Variants in IGLON5 observed in about 807,000 individuals in gnomAD.
IGLON5 encodes IgLON family member 5.
A neutral mutation model predicts 38.2 loss-of-function variants in IGLON5; 16 were observed. That is an observed-to-expected ratio of 0.42 (90% CI 0.28 to 0.64). IGLON5 has a LOEUF of 0.64. Among genes scored for constraint, IGLON5 ranks in the 30% least tolerant of loss-of-function variants. IGLON5 has a pLI of 0.23. For missense variants in IGLON5, 366 were observed against 483.4 expected, an observed-to-expected ratio of 0.76 and a Z score of 2.28; for synonymous variants, 207 against 216.4, an observed-to-expected ratio of 0.96 and a Z score of 0.38.
Position 51,327,272 on chromosome 19 carries a change from G to C in IGLON5, c.767+72G>C. The stretch of plus-strand genomic sequence containing the variant: ...TTAGTCCCTTCGATTGTGAGGCAGG[G>C]GGACGGAGCGGGGCGGGGGAAGGCA... On this transcript the variant is annotated intron_variant, in intron 6 of 7. Transcript: ENST00000270642. This position sits in a 1 kb window ranked among gnomAD's most constrained non-coding sequence, Gnocchi z 7.1. 6.5e-7 allele frequency: 1 copy of C among 1,548,970 alleles called. No homozygotes were observed. The highest frequency in any genetic ancestry group is 2.3e-5 in the East Asian group (1 of 43,994).
Position 51,311,708 on chromosome 19 carries a change from C to G in IGLON5, c.-140C>G, listed in dbSNP as rs1362490408. 1 of 106,400 alleles carries G rather than the reference C, an allele frequency of 9.4e-6. No homozygotes were observed. Among genetic ancestry groups the G allele is most frequent in the Non-Finnish European group, 1.9e-5 (1 of 51,332 alleles). The allele number at this position is 106,400 out of a possible 1,614,324, so 6.6% of individuals were successfully genotyped here. ...GCCGCCTCGTCGCGCCCCCCCAGCC[C>G]CCTCCCCCCGCCCCCGCCGCCCCCC... On this transcript the variant is annotated 5_prime_UTR_variant, in exon 1 of 8. Coordinates refer to ENST00000270642, the MANE Select transcript of IGLON5 (RefSeq NM_001101372.3).
In IGLON5 at chr19:51,325,520, C is replaced by T. The variant is rs994655065; in HGVS notation, c.511+55C>T. The T allele has an allele frequency of 5.5e-5, 84 of 1,518,992 alleles. No homozygotes were observed. The Middle Eastern group carries it at 6.9e-4, about 13-fold the overall frequency. 94.1% of individuals were successfully genotyped at this position (1,518,992 alleles called of 1,614,324 possible). On this transcript the variant is annotated intron_variant, in intron 4 of 7. Coordinates refer to ENST00000270642, the MANE Select transcript of IGLON5 (RefSeq NM_001101372.3). This position sits in a 1 kb window ranked among gnomAD's most constrained non-coding sequence, Gnocchi z 5.5. Reference sequence around the variant, plus strand: ...CGTCCCCCACTGCGCAGTCTGGGCCCCTCCATTCCCCATATCCCTAGCTAG... The same window carrying T: ...CGTCCCCCACTGCGCAGTCTGGGCCTCTCCATTCCCCATATCCCTAGCTAG...
At chr19:51,314,579 G>A (rs907400476) in intron 1 of IGLON5, among the ~76,000 whole-genome samples, 4 of 152,158 alleles carry the variant, frequency 2.6e-5, no homozygotes, top group African/African-American at 9.7e-5. Flanking sequence ...CCCTGCTCAA[G>A]TCTTTTCCCA....
In IGLON5 at chr19:51,327,078, A is replaced by G. The variant is rs1985235629; in HGVS notation, c.647-2A>G. The G allele has an allele frequency of 6.2e-7, 1 of 1,604,682 alleles. No individual in the cohort carries two copies. Among genetic ancestry groups the G allele is most frequent in the Non-Finnish European group, 8.5e-7 (1 of 1,174,426 alleles). Reference sequence around the variant, plus strand: ...AATTCGCTGACCCTTGCCCCTCGCCAGATCCTCCGACCATCACGGACGTGA... The same window carrying G: ...AATTCGCTGACCCTTGCCCCTCGCCGGATCCTCCGACCATCACGGACGTGA... On this transcript the variant is annotated splice_acceptor_variant, in intron 5 of 7. Coordinates refer to ENST00000270642, the MANE Select transcript of IGLON5 (RefSeq NM_001101372.3). LOFTEE classifies it high-confidence loss of function. This position sits in a 1 kb window ranked among gnomAD's most constrained non-coding sequence, Gnocchi z 7.1.
At chr19:51,316,182 CAAAAAA>C (rs34549182) in intron 1 of IGLON5, among the ~76,000 whole-genome samples, 1 of 124,328 alleles carries the variant, frequency 8.0e-6, no homozygotes, top group Admixed American at 7.8e-5. Context: ...CCCATATCTA[CAAAAAA>C]AAAAAAAAAA....
chr19:51,315,446 C>T (rs1984894343), intron 1 of IGLON5, among the ~76,000 whole-genome samples: 7 of 152,148 alleles, frequency 4.6e-5, no homozygotes, highest in Admixed American at 3.3e-4. Flanking sequence ...TGGATATATA[C>T]ATATGGCAGT....
At chr19:51,312,197 G>A (rs901208570) in intron 1 of IGLON5, among the ~76,000 whole-genome samples, 6 of 152,098 alleles carry the variant, frequency 3.9e-5, no homozygotes, top group African/African-American at 1.4e-4. Flanking sequence ...GAGCAGGCAA[G>A]AGGGTCGCAG....
At chr19:51,320,413 C>T (rs1305325650) in intron 1 of IGLON5, among the ~76,000 whole-genome samples, 1 of 152,248 alleles carries the variant, frequency 6.6e-6, no homozygotes, top group Non-Finnish European at 1.5e-5. Context: ...CCCTCCCACT[C>T]CAGAAGTCCA....
In IGLON5 at chr19:51,316,478, TTTTTC is replaced by T. The variant is rs1282106625; in HGVS notation, c.79+4572_79+4576del. Among the ~76,000 whole-genome samples, 46 of 150,662 alleles carry T rather than the reference TTTTTC, an allele frequency of 3.1e-4. No individual in the cohort carries two copies. In the South Asian group the frequency reaches 4.2e-3, roughly 14 times the overall value. ...CAGATTTTTTCTTTTTTTTTCTTTG[TTTTTC>T]TTTTCTTTTCTTTTCTTTTTTTTTT... On this transcript the variant is annotated intron_variant, in intron 1 of 7. Coordinates refer to ENST00000270642, the MANE Select transcript of IGLON5 (RefSeq NM_001101372.3).
In IGLON5 at chr19:51,329,015, C is replaced by A; in HGVS notation, c.*256C>A. On this transcript the variant is annotated 3_prime_UTR_variant, in exon 8 of 8. Transcript: ENST00000270642. This position sits in a 1 kb window ranked among gnomAD's most constrained non-coding sequence, Gnocchi z 4.3. The stretch of plus-strand genomic sequence containing the variant: ...TCACGTTTCCGATTGTGACCCACTC[C>A]CGCCACCCCATACCCCTCTCTCTTA... The A allele has an allele frequency of 2.4e-6, 1 of 411,956 alleles. No homozygotes were observed. Among genetic ancestry groups the A allele is most frequent in the Non-Finnish European group, 4.4e-6 (1 of 227,870 alleles). The allele number at this position is 411,956 out of a possible 1,614,324, so 25.5% of individuals were successfully genotyped here.
intron 1 of IGLON5, among the ~76,000 whole-genome samples, chr19:51,313,094 C>T (rs1984809651): frequency 6.6e-6 from 1 of 152,282 alleles, no homozygotes; most frequent in African/African-American, 2.4e-5. Flanking sequence ...ACAGAAACCC[C>T]GTCACAGCGT....
chr19:51,318,627 C>T (rs546150424), intron 1 of IGLON5, among the ~76,000 whole-genome samples: 2 of 151,780 alleles, frequency 1.3e-5, no homozygotes, highest in Admixed American at 6.6e-5. Context: ...CCCAGCTACT[C>T]GGGAGGCTGA....
Position 51,328,307 on chromosome 19 carries a change from G to A in IGLON5, c.923-364G>A, listed in dbSNP as rs567260348. Among the ~76,000 whole-genome samples the A allele has an allele frequency of 2.7e-3, 405 of 149,160 alleles. 1 individual carries two copies. The highest frequency in any genetic ancestry group is 3.5e-3 in the Non-Finnish European group (234 of 67,806). On this transcript the variant is annotated intron_variant, in intron 7 of 7. Transcript: ENST00000270642. ...ACCTGAAGTCAGGAATTTGACACCA[G>A]CCTGTCCAACATGGTGAAACTATGT...
At chr19:51,313,647 T>TTTTCTTCCTTTC (rs1984831767) in intron 1 of IGLON5, among the ~76,000 whole-genome samples, 1 of 116,160 alleles carries the variant, frequency 8.6e-6, no homozygotes, top group Non-Finnish European at 1.8e-5. Context: ...CTCTCTCTCT[T>TTTTCTTCCTTTC]TTTCTTTCTT....
rs1555750477 is a variant in IGLON5, at chr19:51,313,647, T to TTTTCTTTCTTTCTTTCTTTCTTTCTTTC, written c.79+1744_79+1771dup. On this transcript the variant is annotated intron_variant, in intron 1 of 7. Coordinates refer to ENST00000270642, the MANE Select transcript of IGLON5 (RefSeq NM_001101372.3). ...TTTCTCTTTTTCTCTCTCTCTCTCT[T>TTTTCTTTCTTTCTTTCTTTCTTTCTTTC]TTTCTTTCTTTCTTTCTTTCTTTCT... Among the ~76,000 whole-genome samples, 24 of 116,274 alleles carry TTTTCTTTCTTTCTTTCTTTCTTTCTTTC rather than the reference T, an allele frequency of 2.1e-4. 1 individual carries two copies. The highest frequency in any genetic ancestry group is 8.0e-4 in the Admixed American group (8 of 10,062). 76.3% of individuals were successfully genotyped at this position (116,274 alleles called of 152,430 possible). A position where few individuals can be genotyped will look rare whatever the true frequency, so the allele number is the denominator to read the frequency against.
rs1196498419 is a variant in IGLON5 at position 51,311,826 on chromosome 19, C to G, written c.-22C>G. Reference sequence around the variant, plus strand: ...GGACCGGCCCCCCCTTTCCCCTCCCCCTCCGCGCCGCCTCTGCCGCGATGC... The same window carrying G: ...GGACCGGCCCCCCCTTTCCCCTCCCGCTCCGCGCCGCCTCTGCCGCGATGC... On this transcript the variant is annotated 5_prime_UTR_variant, in exon 1 of 8. Transcript: ENST00000270642. 20 of 948,678 alleles carry G rather than the reference C, an allele frequency of 2.1e-5. No homozygotes were observed. Among genetic ancestry groups the G allele is most frequent in the Non-Finnish European group, 2.4e-5 (18 of 737,902 alleles). 58.8% of individuals were successfully genotyped at this position (948,678 alleles called of 1,614,324 possible).
Position 51,327,349 on chromosome 19 carries a change from C to T in IGLON5, c.767+149C>T. On this transcript the variant is annotated intron_variant, in intron 6 of 7. Transcript: ENST00000270642. The surrounding 1 kb of genome is among the most constrained non-coding windows in gnomAD (Gnocchi z 7.1). The stretch of plus-strand genomic sequence containing the variant: ...GCGTCCAGCTTCTAGGTGATGGGAT[C>T]TGTCCAGCCCCGGAGACAAGCTTGG... 1 of 1,134,386 alleles carries T rather than the reference C, an allele frequency of 8.8e-7. No individual in the cohort carries two copies. The highest frequency in any genetic ancestry group is 1.2e-6 in the Non-Finnish European group (1 of 815,790). 70.3% of individuals were successfully genotyped at this position (1,134,386 alleles called of 1,614,324 possible).
At chr19:51,319,620 T>G (rs1459897075) in intron 1 of IGLON5, among the ~76,000 whole-genome samples, 3 of 152,092 alleles carry the variant, frequency 2.0e-5, no homozygotes, top group Non-Finnish European at 4.4e-5. Flanking sequence ...GTGGGGCTGT[T>G]GATGTCGATG....
At position 51,325,064 on chromosome 19, in the gene IGLON5, A is replaced by G. The variant is rs1985178071; in HGVS notation, c.392-282A>G. ...AGAGAGAATAGAGACAAGACCAGCA[A>G]TTAGACAAGAAGATGCCAGGCCCAG... On this transcript the variant is annotated intron_variant, in intron 3 of 7. Coordinates refer to ENST00000270642, the MANE Select transcript of IGLON5 (RefSeq NM_001101372.3). This position sits in a 1 kb window ranked among gnomAD's most constrained non-coding sequence, Gnocchi z 5.5. Among the ~76,000 whole-genome samples the G allele has an allele frequency of 6.6e-6, 1 of 152,136 alleles. No homozygotes were observed. Among genetic ancestry groups the G allele is most frequent in the African/African-American group, 2.4e-5 (1 of 41,420 alleles).
Sources: allele counts gnomAD v4.1 joint callset (sites outside exome capture counted in the v4.1 genomes callset), GRCh38; gene constraint gnomAD v4.1.1; non-coding constraint Gnocchi (gnomAD v3.1); transcripts MANE v1.5; gene names NCBI Gene and HGNC (gene_info 2026-07-23, HGNC 2026-07-21).